CC2D1A: variants seen among roughly 807,000 people sequenced by gnomAD.
The protein encoded by CC2D1A is coiled-coil and C2 domain-containing protein 1A.
CC2D1A carries 68 observed loss-of-function variants against 123.8 expected under a neutral mutation model. The ratio of observed to expected loss-of-function variants is 0.55; its 90% CI spans 0.45 to 0.67. The LOEUF (loss-of-function observed/expected upper bound fraction) is 0.67, where lower values mean the gene tolerates loss of function less well. CC2D1A is among the 30% of genes least tolerant of loss of function. The probability of loss-of-function intolerance (pLI) is 0.00; values close to 1 mark genes in which losing one functional copy is unlikely to be tolerated. For missense variants in CC2D1A, 1,185 were observed against 1,290.3 expected (o/e 0.92, Z 1.25); for synonymous variants, 477 against 528.0 (o/e 0.90, Z 1.32).
chr19:13,914,966 C>T (rs1050822652), intron 6 of CC2D1A, among the ~76,000 whole-genome samples: 2 of 152,262 alleles, frequency 1.3e-5, no homozygotes, highest in Non-Finnish European at 2.9e-5. Flanking sequence ...ACTTCCCTGG[C>T]AGGAAGCAAA....
At chr19:13,920,401 TG>T in intron 12 of CC2D1A, 155 bp from the exon 13 acceptor site, 1 of 565,086 alleles carries the variant, frequency 1.8e-6, no homozygotes, top group Non-Finnish European at 3.0e-6. Context: ...AAAAAAAAGG[TG>T]TTTGGGGCCA....
At chr19:13,920,211 A>G (rs1971360429) in intron 12 of CC2D1A, 1 of 512,932 alleles carries the variant, frequency 1.9e-6, no homozygotes, top group South Asian at 2.6e-5. Flanking sequence ...TGGTCATGCC[A>G]CTGTACGCCA....
At position 13,906,427 on chromosome 19, in the gene CC2D1A, C is replaced by T. The variant is rs1220219268; in HGVS notation, c.-15C>T. ...CGGGCTTGGGGGCAGGTGGTCCGGG[C>T]ATCCAGCCTTGAAGATGCACAAGAG... On this transcript the variant is annotated 5_prime_UTR_variant, in exon 1 of 29. Coordinates refer to ENST00000318003, the MANE Select transcript of CC2D1A (RefSeq NM_017721.5). This position sits in a 1 kb window ranked among gnomAD's most constrained non-coding sequence, Gnocchi z 4.1. 1 of 1,511,058 alleles carries T rather than the reference C, an allele frequency of 6.6e-7. No individual in the cohort carries two copies. The highest frequency in any genetic ancestry group is 1.4e-5 in the African/African-American group (1 of 70,158). The allele number at this position is 1,511,058 out of a possible 1,614,324, so 93.6% of individuals were successfully genotyped here. A position where few individuals can be genotyped will look rare whatever the true frequency, so the allele number is the denominator to read the frequency against.
At chr19:13,917,443 TA>T (rs141683169) in intron 6 of CC2D1A, among the ~76,000 whole-genome samples, 1 of 151,344 alleles carries the variant, frequency 6.6e-6, no homozygotes, top group Non-Finnish European at 1.5e-5. Flanking sequence ...TCTATCTCTT[TA>T]AAAAAAAATA....
rs556056976 is a variant in CC2D1A at position 13,913,629 on chromosome 19, A to T, written c.739A>T (p.Met247Leu). Residue 247 changes from methionine to leucine, a missense_variant, in exon 6 of 29, where the codon ATG becomes TTG. By Grantham distance (15) the Met-to-Leu change is conservative. Transcript: ENST00000318003. ...ATCTCCAGGCTTGGCTAAGCCCCAG[A>T]TGCCCCCAGGTAGGTGATGGGCAGG... ...ASSPGLAKPQ[M>L]PPGPCSPGPL... is the part of the protein sequence containing the mutation. 1.2e-6 allele frequency: 2 copies of T among 1,605,104 alleles called. No homozygotes were observed. The highest frequency in any genetic ancestry group is 2.7e-5 in the African/African-American group (2 of 74,684).
rs756672304 is a variant in CC2D1A, at chr19:13,926,680, C to T, written c.2028C>T (p.Gly676=). 1.9e-5 allele frequency: 30 copies of T among 1,614,186 alleles called. 1 individual carries two copies. The Admixed American group carries it at 2.0e-4, about 11-fold the overall frequency. ...NLPTPPGLSP[G]DLDVFVRFDF... ...GTTTGCCCACAGGACTGTCCCCTGG[C>T]GATCTGGATGTCTTTGTTCGGTTTG... is the stretch of plus-strand genomic sequence containing the variant. Residue 676 remains glycine (G), a synonymous_variant, in exon 19 of 29, where the codon GGC becomes GGT. Coordinates refer to ENST00000318003, the MANE Select transcript of CC2D1A (RefSeq NM_017721.5).
intron 17 of CC2D1A, among the ~76,000 whole-genome samples, chr19:13,925,937 T>A (rs201735891): frequency 0.011 from 1,009 of 92,320 alleles, 19 homozygotes; most frequent in Middle Eastern, 0.024. Context: ...AAAAAAAATA[T>A]ATATATATAT....
At chr19:13,912,673 G>A in intron 4 of CC2D1A, 80 bp downstream of exon 4, 1 of 1,425,742 alleles carries the variant, frequency 7.0e-7, no homozygotes, top group Non-Finnish European at 9.8e-7. Flanking sequence ...TTTTTTATGA[G>A]ATGGAGTCTT....
Position 13,927,943 on chromosome 19 carries a change from G to A in CC2D1A, c.2367G>A (p.Arg789=). 1 of 1,613,572 alleles carries A rather than the reference G, an allele frequency of 6.2e-7. No individual in the cohort carries two copies. The highest frequency in any genetic ancestry group is 2.2e-5 in the East Asian group (1 of 44,880). ...GGGGGCGACTGGAGGTAATGGTCCG[G>A]ATTCGGGAGCCACTGACAGCCCAGC... The part of the protein sequence containing the change: ...PTGGRLEVMV[R]IREPLTAQQL... Residue 789 remains arginine, a synonymous_variant, in exon 23 of 29, where the codon CGG becomes CGA. Transcript: ENST00000318003.
At chr19:13,919,064 A>G in intron 10 of CC2D1A, 22 bp downstream of exon 10, 1 of 1,591,896 alleles carries the variant, frequency 6.3e-7, no homozygotes, top group Non-Finnish European at 8.6e-7. Context: ...GTTCCGGGGG[A>G]GGTGGGGCGA....
In CC2D1A at chr19:13,923,261, T is replaced by C. The variant is rs1379081416; in HGVS notation, c.1642-72T>C. The C allele has an allele frequency of 6.6e-7, 1 of 1,504,416 alleles. No homozygotes were observed. The highest frequency in any genetic ancestry group is 8.8e-7 in the Non-Finnish European group (1 of 1,131,450). 93.2% of individuals were successfully genotyped at this position (1,504,416 alleles called of 1,614,324 possible). A position where few individuals can be genotyped will look rare whatever the true frequency, so the allele number is the denominator to read the frequency against. On this transcript the variant is annotated intron_variant, in intron 14 of 28. Transcript: ENST00000318003. The surrounding 1 kb of genome is among the most constrained non-coding windows in gnomAD (Gnocchi z 5.3). ...GGGAATGCCCCTCGTCAAGGAAGAA[T>C]GACATTTCTGCAGAGCCCTAGGTGG...
At chr19:13,916,535 G>A (rs567594576) in intron 6 of CC2D1A, among the ~76,000 whole-genome samples, 1 of 152,294 alleles carries the variant, frequency 6.6e-6, no homozygotes, top group African/African-American at 2.4e-5. Flanking sequence ...CTGCACTCCA[G>A]CCTGGGTGAC....
rs751627580 is a variant in CC2D1A at position 13,930,218 on chromosome 19, CT to C, written c.2788-23del. 82 of 1,613,772 alleles carry C rather than the reference CT, an allele frequency of 5.1e-5. No individual in the cohort carries two copies. The highest frequency in any genetic ancestry group is 6.9e-5 in the Non-Finnish European group (81 of 1,179,894). ...GCAGGGTGGGGCCTGCAGGGACTAC[CT>C]GCTGAATGCCCATCCCCCACAGGAT... On this transcript the variant is annotated intron_variant, in intron 27 of 28. Coordinates refer to ENST00000318003, the MANE Select transcript of CC2D1A (RefSeq NM_017721.5). The surrounding 1 kb of genome is among the most constrained non-coding windows in gnomAD (Gnocchi z 6.8).
Position 13,927,055 on chromosome 19 carries a change from A to C in CC2D1A, c.2203A>C (p.Lys735Gln). The change falls in exon 21 of 29, where the codon AAG becomes CAG. Residue 735 changes from lysine to glutamine, a missense_variant. Physicochemically the swap from Lys to Gln is moderately conservative, Grantham distance 53. Transcript: ENST00000318003. ...FRRAIQTKGI[K>Q]FEVVHKGGLF... ...AAGGGCCATCCAGACCAAGGGCATC[A>C]AGTTCGAAGTGGTTCACAAGGGGTG... The C allele has an allele frequency of 6.2e-7, 1 of 1,614,064 alleles. No individual in the cohort carries two copies. The highest frequency in any genetic ancestry group is 1.1e-5 in the South Asian group (1 of 91,080).
chr19:13,919,644 C>A, intron 11 of CC2D1A, 174 bp from the exon 12 acceptor site: 2 of 524,488 alleles, frequency 3.8e-6, no homozygotes, highest in Non-Finnish European at 6.2e-6. Flanking sequence ...TGCCACTGTA[C>A]TCCAGCCTGG....
Position 13,926,723 on chromosome 19 carries a change from G to A in CC2D1A, c.2071G>A (p.Val691Met), listed in dbSNP as rs780097665. 3.7e-6 allele frequency: 6 copies of A among 1,614,018 alleles called. No individual in the cohort carries two copies. Among genetic ancestry groups the A allele is most frequent in the Admixed American group, 3.3e-5 (2 of 60,008 alleles). Residue 691 changes from valine to methionine, a missense_variant and splice_region_variant, in exon 19 of 29, where the codon GTG becomes ATG. Val to Met is a conservative substitution (Grantham distance 21). Transcript: ENST00000318003. ...FVRFDFPYPN[V>M]EEAQKDKTSV... is the part of the protein sequence containing the mutation. ...TCGGTTTGACTTCCCCTATCCCAAC[G>A]TGGTACGTGGGGAGCTGAGGAGGGG...
chr19:13,923,682 C>T lies in CC2D1A; in HGVS notation c.1824-13C>T, dbSNP rs1195159352. ...CAGGGCCAGGGACATGAGCAGGGCCCTCCCACCGGCAGGTTTGAAAAGTTG... is the reference window on the plus strand; with the variant it reads ...CAGGGCCAGGGACATGAGCAGGGCCTTCCCACCGGCAGGTTTGAAAAGTTG... On this transcript the variant is annotated splice_polypyrimidine_tract_variant and intron_variant, in intron 16 of 28. Transcript: ENST00000318003. This position sits in a 1 kb window ranked among gnomAD's most constrained non-coding sequence, Gnocchi z 5.3. The T allele has an allele frequency of 1.9e-6, 3 of 1,613,554 alleles. No homozygotes were observed. Among genetic ancestry groups the T allele is most frequent in the African/African-American group, 1.3e-5 (1 of 74,932 alleles).
chr19:13,908,999 C>T (rs567249646), intron 1 of CC2D1A, among the ~76,000 whole-genome samples: 4 of 151,820 alleles, frequency 2.6e-5, no homozygotes, highest in South Asian at 2.1e-4. Flanking sequence ...AGTCATGGCT[C>T]ACTGCAGCCT....
intron 22 of CC2D1A, 116 bp from the exon 23 acceptor site, chr19:13,927,777 A>C (rs112839524): frequency 3.0e-5 from 31 of 1,031,624 alleles, no homozygotes; most frequent in Non-Finnish European, 3.8e-5. Context: ...GCGAGACTCT[A>C]TCTCAGAAAA....
Sources: gnomAD v4.1 joint callset for allele counts (sites outside exome capture counted in the v4.1 genomes callset) on GRCh38, gnomAD v4.1.1 for gene constraint, Gnocchi (gnomAD v3.1) non-coding constraint, MANE v1.5 for transcripts, NCBI Gene and HGNC (gene_info 2026-07-23, HGNC 2026-07-21) for gene names.